PTPRD: variants seen among roughly 807,000 people sequenced by gnomAD.
PTPRD encodes protein tyrosine phosphatase receptor type D.
A neutral mutation model predicts 214.5 loss-of-function variants in PTPRD; 34 were observed. The ratio of observed to expected loss-of-function variants is 0.16; its 90% CI spans 0.12 to 0.21. The LOEUF is 0.21. Among genes scored for constraint, PTPRD ranks in the 10% least tolerant of loss-of-function variants. PTPRD has a pLI of 1.00. For missense variants in PTPRD, 2,545 were observed against 2,398.7 expected (o/e 1.06, Z -1.27); for synonymous variants, 1,128 against 845.7 (o/e 1.33, Z -5.79).
intron 45 of PTPRD, 137 bp downstream of exon 45, chr9:8,319,694 G>C: frequency 9.8e-7 from 1 of 1,023,886 alleles, no homozygotes; most frequent in Non-Finnish European, 1.4e-6. Context: ...GGGAAAATGA[G>C]GTTCAAAATT....
At chr9:10,223,160 T>C (rs1036663160) in intron 3 of PTPRD, among the ~76,000 whole-genome samples, 2 of 151,970 alleles carry the variant, frequency 1.3e-5, no homozygotes, top group Non-Finnish European at 2.9e-5. Context: ...TCCTAATGTG[T>C]CTCTTCTCTT....
At chr9:9,929,880 G>A (rs1462861803) in intron 5 of PTPRD, among the ~76,000 whole-genome samples, 1 of 152,176 alleles carries the variant, frequency 6.6e-6, no homozygotes, top group African/African-American at 2.4e-5. Context: ...CAGCTGGTCT[G>A]TTTTCTTTTG....
chr9:9,942,481 G>A (rs867451035), intron 4 of PTPRD, among the ~76,000 whole-genome samples: 1 of 152,058 alleles, frequency 6.6e-6, no homozygotes, highest in Non-Finnish European at 1.5e-5. Context: ...TTGTATATAA[G>A]ATGTACATCT....
intron 11 of PTPRD, among the ~76,000 whole-genome samples, chr9:8,766,629 G>A (rs1327670479): frequency 1.3e-5 from 2 of 152,118 alleles, no homozygotes; most frequent in Non-Finnish European, 2.9e-5. Context: ...TGCATGGTGG[G>A]AAAGGACACT....
At chr9:9,896,134 A>G (rs1011427329) in intron 5 of PTPRD, among the ~76,000 whole-genome samples, 3 of 152,058 alleles carry the variant, frequency 2.0e-5, no homozygotes, top group African/African-American at 7.2e-5. Context: ...AGGGAGCTGA[A>G]GTCTTCTCTA....
At chr9:8,739,091 C>T (rs1426759897) in intron 11 of PTPRD, among the ~76,000 whole-genome samples, 1 of 152,186 alleles carries the variant, frequency 6.6e-6, no homozygotes, top group Non-Finnish European at 1.5e-5. Context: ...TGCTAGGACT[C>T]TCCAATTTGT....
chr9:9,425,479 G>C (rs933209072), intron 8 of PTPRD, among the ~76,000 whole-genome samples: 8 of 144,418 alleles, frequency 5.5e-5, no homozygotes, highest in African/African-American at 2.0e-4. Flanking sequence ...ATATATATAT[G>C]TTTGGTGCAA....
chr9:9,712,867 G>A (rs188196223), intron 7 of PTPRD, among the ~76,000 whole-genome samples: 2 of 152,042 alleles, frequency 1.3e-5, no homozygotes, highest in Non-Finnish European at 2.9e-5. Flanking sequence ...GTTTTTAATA[G>A]GTTATGTTAT....
chr9:8,709,927 G>A (rs1751999597), intron 12 of PTPRD, among the ~76,000 whole-genome samples: 1 of 152,178 alleles, frequency 6.6e-6, no homozygotes, highest in Non-Finnish European at 1.5e-5. Flanking sequence ...GATCTCTGAA[G>A]TCAGACAACC....
At chr9:8,345,933 A>T (rs1031874596) in intron 39 of PTPRD, among the ~76,000 whole-genome samples, 1 of 152,064 alleles carries the variant, frequency 6.6e-6, no homozygotes, top group African/African-American at 2.4e-5. Context: ...TAATGCTCCA[A>T]AAGTTCTGTC....
In PTPRD at chr9:9,477,818, CA is replaced by C. The variant is rs373140695; in HGVS notation, c.-236-80337del. On this transcript the variant is annotated intron_variant, in intron 8 of 45. Transcript: ENST00000381196. ...GTACATTTTCTTGACAAACGTGTTT[CA>C]AAAAAAACAACACAGCCAATGTTAA... Among the ~76,000 whole-genome samples, 382 of 151,612 alleles carry C rather than the reference CA, an allele frequency of 2.5e-3. 5 individuals are homozygous for C. Among genetic ancestry groups the C allele is most frequent in the Middle Eastern group, 0.01 (3 of 292 alleles).
intron 9 of PTPRD, among the ~76,000 whole-genome samples, chr9:9,346,825 T>A (rs2048999141): frequency 6.6e-6 from 1 of 152,114 alleles, no homozygotes; most frequent in South Asian, 2.1e-4. Context: ...CTCAAGTAGC[T>A]GGGATTACAG....
chr9:8,385,504 ACT>A (rs1026176181), intron 37 of PTPRD, among the ~76,000 whole-genome samples: 2 of 152,078 alleles, frequency 1.3e-5, no homozygotes, highest in Non-Finnish European at 1.5e-5. Flanking sequence ...ACAGAGTAAG[ACT>A]CTGTCTCTAA....
chr9:8,800,896 T>TA (rs2096558011), intron 11 of PTPRD, among the ~76,000 whole-genome samples: 1 of 152,158 alleles, frequency 6.6e-6, no homozygotes. Context: ...ATAATATTGG[T>TA]AAAAATTGTA....
intron 14 of PTPRD, among the ~76,000 whole-genome samples, chr9:8,620,214 G>A (rs935988478): frequency 6.6e-6 from 1 of 151,910 alleles, no homozygotes; most frequent in African/African-American, 2.4e-5. Flanking sequence ...TAAAACCTGA[G>A]CAAGCAAATA....
intron 8 of PTPRD, among the ~76,000 whole-genome samples, chr9:9,485,807 C>T (rs1020239787): frequency 6.6e-6 from 1 of 152,118 alleles, no homozygotes; most frequent in Non-Finnish European, 1.5e-5. Context: ...AGGGATATCA[C>T]TTTCTCCACT....
intron 11 of PTPRD, among the ~76,000 whole-genome samples, chr9:8,953,459 G>A (rs904346457): frequency 2.0e-5 from 3 of 151,804 alleles, no homozygotes; most frequent in Non-Finnish European, 4.4e-5. Context: ...TTGTAGCTAA[G>A]CCCTCAAAAG....
intron 7 of PTPRD, among the ~76,000 whole-genome samples, chr9:9,575,701 C>G (rs1382055248): frequency 1.2e-5 from 1 of 82,826 alleles, no homozygotes; most frequent in Non-Finnish European, 2.1e-5. Flanking sequence ...GCCTGGGTGA[C>G]AGAGCAAGAC....
intron 11 of PTPRD, among the ~76,000 whole-genome samples, chr9:8,873,736 G>A (rs1037754646): frequency 6.6e-6 from 1 of 152,080 alleles, no homozygotes; most frequent in Admixed American, 6.6e-5. Context: ...AAAGCATTGG[G>A]GGACTAGGTC....
Sources: gnomAD v4.1 joint callset for allele counts (sites outside exome capture counted in the v4.1 genomes callset) on GRCh38, gnomAD v4.1.1 for gene constraint, MANE v1.5 for transcripts, NCBI Gene and HGNC (gene_info 2026-07-23, HGNC 2026-07-21) for gene names.